Variants in MLPH observed in about 807,000 individuals in gnomAD.
MLPH encodes the protein exophilin-3.
MLPH carries 51 observed loss-of-function variants against 72.1 expected under a neutral mutation model. The ratio of observed to expected loss-of-function variants is 0.71; its 90% CI spans 0.56 to 0.89. MLPH has a LOEUF of 0.89. MLPH is among the 40% of genes least tolerant of loss of function. The probability of loss-of-function intolerance (pLI) is 0.00; values close to 1 mark genes in which losing one functional copy is unlikely to be tolerated. For missense variants in MLPH, 743 were observed against 759.9 expected, an observed-to-expected ratio of 0.98 and a Z score of 0.26; for synonymous variants, 301 against 310.1, an observed-to-expected ratio of 0.97 and a Z score of 0.31.
chr2:237,553,593 C>T lies in MLPH; in HGVS notation c.*1C>T, dbSNP rs139145016. ...ACCTGTGGTGGCCCACCAGTCCTAA[C>T]GGGACAGGACAGAGAGACAGAGCAG... On this transcript the variant is annotated 3_prime_UTR_variant, in exon 16 of 16. Coordinates refer to ENST00000264605, the MANE Select transcript of MLPH (RefSeq NM_024101.7). The T allele has an allele frequency of 3.4e-5, 55 of 1,614,084 alleles. No homozygotes were observed. The highest frequency in any genetic ancestry group is 1.6e-4 in the African/African-American group (12 of 74,930).
chr2:237,549,300 A>T, intron 14 of MLPH, 22 bp downstream of exon 14: 1 of 1,609,364 alleles, frequency 6.2e-7, no homozygotes, highest in Non-Finnish European at 8.5e-7. Context: ...CTGCTCCCCC[A>T]CCCCCATGGG....
At chr2:237,496,344 C>T (rs1261640020) in intron 2 of MLPH, among the ~76,000 whole-genome samples, 3 of 152,158 alleles carry the variant, frequency 2.0e-5, no homozygotes, top group Non-Finnish European at 4.4e-5. Context: ...CTGAGTGGTC[C>T]GCCCTGCTCC....
intron 2 of MLPH, among the ~76,000 whole-genome samples, chr2:237,499,992 C>T (rs1439600718): frequency 6.6e-6 from 1 of 152,134 alleles, no homozygotes; most frequent in East Asian, 1.9e-4. Context: ...GTGATCTTCC[C>T]ACTTCAACCT....
chr2:237,492,911 C>T (rs115305363), intron 1 of MLPH, among the ~76,000 whole-genome samples: 115 of 152,330 alleles, frequency 7.5e-4, no homozygotes, highest in African/African-American at 2.6e-3. Context: ...CCTGCAGCAT[C>T]GCTCTAGGAG....
intron 2 of MLPH, among the ~76,000 whole-genome samples, chr2:237,502,846 C>G (rs2079680573): frequency 6.6e-6 from 1 of 152,076 alleles, no homozygotes; most frequent in Non-Finnish European, 1.5e-5. Context: ...TGACCAGGCT[C>G]GGTGACTGAT....
chr2:237,510,256 G>A lies in MLPH; in HGVS notation c.111-318G>A. 1 of 399,984 alleles carries A rather than the reference G, an allele frequency of 2.5e-6. No individual in the cohort carries two copies. Among genetic ancestry groups the A allele is most frequent in the South Asian group, 2.2e-5 (1 of 46,206 alleles). 24.8% of individuals were successfully genotyped at this position (399,984 alleles called of 1,614,324 possible). On this transcript the variant is annotated intron_variant, in intron 2 of 15. Transcript: ENST00000264605. This position sits in a 1 kb window ranked among gnomAD's most constrained non-coding sequence, Gnocchi z 4.4. ...GGATTCTGTGACTGCCCTGGGGAGG[G>A]CGCAGTGACCTGCCAACCAAAATTG...
In MLPH at chr2:237,510,709, G is replaced by A. The variant is rs754457453; in HGVS notation, c.246G>A (p.Leu82=). The change falls in exon 3 of 16, where the codon CTG becomes CTA. Residue 82 remains leucine (L), a synonymous_variant. Transcript: ENST00000264605. The surrounding 1 kb of genome is among the most constrained non-coding windows in gnomAD (Gnocchi z 4.4). The part of the protein sequence containing the change: ...QLLVNSKRQC[L]ECGLFTCKSC... ...TTGTGAATAGCAAAAGGCAGTGCCT[G>A]GAATGTGGCCTCTTCACCTGCAAAA... is the stretch of plus-strand genomic sequence containing the variant. The A allele has an allele frequency of 7.4e-6, 12 of 1,613,720 alleles. No homozygotes were observed. Among genetic ancestry groups the A allele is most frequent in the Non-Finnish European group, 9.3e-6 (11 of 1,180,042 alleles).
rs2079861231 is a variant in MLPH, at chr2:237,510,252, G to A, written c.111-322G>A. The A allele has an allele frequency of 2.5e-6, 1 of 395,998 alleles. No individual in the cohort carries two copies. Among genetic ancestry groups the A allele is most frequent in the Non-Finnish European group, 4.8e-6 (1 of 208,838 alleles). The allele number at this position is 395,998 out of a possible 1,614,324, so 24.5% of individuals were successfully genotyped here. On this transcript the variant is annotated intron_variant, in intron 2 of 15. Coordinates refer to ENST00000264605, the MANE Select transcript of MLPH (RefSeq NM_024101.7). This position sits in a 1 kb window ranked among gnomAD's most constrained non-coding sequence, Gnocchi z 4.4. ...CCCAGGATTCTGTGACTGCCCTGGG[G>A]AGGGCGCAGTGACCTGCCAACCAAA... is the stretch of plus-strand genomic sequence containing the variant.
At chr2:237,495,808 C>A (rs1351057324) in intron 2 of MLPH, among the ~76,000 whole-genome samples, 1 of 152,170 alleles carries the variant, frequency 6.6e-6, no homozygotes, top group African/African-American at 2.4e-5. Context: ...TGGCCGGCCA[C>A]GACCACCTTC....
chr2:237,532,869 T>C (rs1425832415), intron 8 of MLPH, among the ~76,000 whole-genome samples: 2 of 152,250 alleles, frequency 1.3e-5, no homozygotes, highest in Admixed American at 6.5e-5. Flanking sequence ...AGATTTATTC[T>C]TGAACAAGCA....
intron 2 of MLPH, among the ~76,000 whole-genome samples, chr2:237,501,712 G>T (rs1192272983): frequency 6.6e-6 from 1 of 150,480 alleles, no homozygotes; most frequent in African/African-American, 2.4e-5. Context: ...AGCCAGGCAT[G>T]GTGGCAGGTG....
chr2:237,507,474 T>G (rs564317961), intron 2 of MLPH: 1 of 152,370 alleles, frequency 6.6e-6, no homozygotes, highest in East Asian at 1.9e-4. Flanking sequence ...GCACTTGAAG[T>G]GGATTTTCTA....
intron 10 of MLPH, 105 bp downstream of exon 10, chr2:237,540,638 G>A: frequency 9.3e-6 from 14 of 1,505,578 alleles, no homozygotes; most frequent in Non-Finnish European, 1.3e-5. Flanking sequence ...GCACCCACAG[G>A]AGCACACCAA....
At chr2:237,531,406 A>T (rs1250729295) in intron 8 of MLPH, among the ~76,000 whole-genome samples, 1 of 151,790 alleles carries the variant, frequency 6.6e-6, no homozygotes, top group East Asian at 1.9e-4. Context: ...GTAGAGACCC[A>T]TGGGACATCC....
chr2:237,517,301 G>A (rs541966177), intron 4 of MLPH, among the ~76,000 whole-genome samples: 78 of 151,352 alleles, frequency 5.2e-4, no homozygotes, highest in African/African-American at 1.8e-3. Context: ...ATGCATGGAT[G>A]GATGGATGAA....
In MLPH at chr2:237,541,279, T is replaced by G. The variant is rs1373203207; in HGVS notation, c.1446+322T>G. 6.6e-6 allele frequency among the ~76,000 whole-genome samples: 1 copy of G among 152,068 alleles called. No homozygotes were observed. The highest frequency in any genetic ancestry group is 1.5e-5 in the Non-Finnish European group (1 of 68,006). ...GGGGCCTAGAAGCAGGCCTGGAATT[T>G]AGGACAGCCCCAGACCTCAGCACTG... On this transcript the variant is annotated intron_variant, in intron 11 of 15. Transcript: ENST00000264605. The surrounding 1 kb of genome is among the most constrained non-coding windows in gnomAD (Gnocchi z 5.1).
chr2:237,518,874 A>C (rs1335849052), intron 5 of MLPH, among the ~76,000 whole-genome samples: 3 of 152,118 alleles, frequency 2.0e-5, no homozygotes, highest in Non-Finnish European at 4.4e-5. Context: ...CTCAAAAGCA[A>C]TCTGTGTGAT....
Position 237,552,396 on chromosome 2 carries a change from A to G in MLPH, c.1735A>G (p.Asn579Asp). 6.2e-7 allele frequency: 1 copy of G among 1,614,142 alleles called. No homozygotes were observed. The highest frequency in any genetic ancestry group is 1.3e-5 in the African/African-American group (1 of 75,032). Reference protein sequence around the residue: ...SVYRGSLTQRNPNARKGMASH... With the variant: ...SVYRGSLTQRDPNARKGMASH... ...GTACCGAGGCTCGCTGACACAGAGA[A>G]ACCCCAACGCGAGGAAAGGAATGGC... Residue 579 changes from asparagine (N) to aspartate (D), a missense_variant, in exon 15 of 16, where the codon AAC becomes GAC. Physicochemically the swap from Asn to Asp is conservative, Grantham distance 23. Transcript: ENST00000264605.
At chr2:237,501,611 G>C (rs982242826) in intron 2 of MLPH, among the ~76,000 whole-genome samples, 1 of 146,246 alleles carries the variant, frequency 6.8e-6, no homozygotes, top group Non-Finnish European at 1.5e-5. Flanking sequence ...TGGATCACCT[G>C]AGGTCAAGAG....
Sources: allele counts gnomAD v4.1 joint callset (sites outside exome capture counted in the v4.1 genomes callset), GRCh38; gene constraint gnomAD v4.1.1; non-coding constraint Gnocchi (gnomAD v3.1); transcripts MANE v1.5; gene names NCBI Gene and HGNC (gene_info 2026-07-23, HGNC 2026-07-21).